Variants in PLEKHA6 observed in about 807,000 individuals in gnomAD.
The protein encoded by PLEKHA6 is pleckstrin homology domain-containing family A member 6.
In PLEKHA6, 60 loss-of-function variants were observed where a neutral mutation model predicts 116.7. That is an observed-to-expected ratio of 0.51 (90% CI 0.42 to 0.64). The LOEUF is 0.64. PLEKHA6 is among the 30% of genes least tolerant of loss of function. The pLI is 0.00. For missense variants in PLEKHA6, 1,338 were observed against 1,422.7 expected, an observed-to-expected ratio of 0.94 and a Z score of 0.96; for synonymous variants, 489 against 556.1, an observed-to-expected ratio of 0.88 and a Z score of 1.70.
At chr1:204,276,441 G>C (rs1668013466) in intron 1 of PLEKHA6, among the ~76,000 whole-genome samples, 1 of 152,126 alleles carries the variant, frequency 6.6e-6, no homozygotes, top group Admixed American at 6.5e-5. Context: ...ACTCTTGTCT[G>C]CCCCTAAATC....
In PLEKHA6 at chr1:204,223,525, G is replaced by C. The variant is rs1659916586; in HGVS notation, c.3092C>G (p.Pro1031Arg). The change falls in exon 22 of 23, where the codon CCC (proline) becomes CGC (arginine). Residue 1031 changes from proline to arginine, a missense_variant. Coordinates refer to ENST00000272203, the MANE Select transcript of PLEKHA6 (RefSeq NM_014935.5). The surrounding 1 kb of genome is among the most constrained non-coding windows in gnomAD (Gnocchi z 4.8). Reference sequence around the variant, plus strand: ...GCCCCGTGGGGATTCAGACGACAGGGGGTTTGCTGGAGGAGCCGGGGAAGC... The same window carrying C: ...GCCCCGTGGGGATTCAGACGACAGGCGGTTTGCTGGAGGAGCCGGGGAAGC... Reference protein sequence around the residue: ...SPASPAPPANPLSSESPRGAD... With the variant: ...SPASPAPPANRLSSESPRGAD... 2 of 1,551,052 alleles carry C rather than the reference G, an allele frequency of 1.3e-6. No individual in the cohort carries two copies. Among genetic ancestry groups the C allele is most frequent in the Non-Finnish European group, 1.7e-6 (2 of 1,146,586 alleles).
At chr1:204,370,998 G>A (rs1297033906) in intron 2 of PLEKHA6, among the ~76,000 whole-genome samples, 1 of 148,010 alleles carries the variant, frequency 6.8e-6, no homozygotes, top group South Asian at 2.1e-4. Context: ...AGGTTGCAGT[G>A]AGCCGAGATT....
upstream of PLEKHA6, among the ~76,000 whole-genome samples, chr1:204,363,279 C>G (rs886890633): frequency 2.0e-5 from 3 of 152,236 alleles, no homozygotes; most frequent in Non-Finnish European, 4.4e-5. Flanking sequence ...GGGCAGAGAC[C>G]TGGGCTTCTG....
intron 1 of PLEKHA6, among the ~76,000 whole-genome samples, chr1:204,329,587 A>T (rs1572188981): frequency 6.6e-6 from 1 of 152,252 alleles, no homozygotes; most frequent in East Asian, 1.9e-4. Context: ...ATAGATGTGC[A>T]TACCACGAAT....
intron 1 of PLEKHA6, among the ~76,000 whole-genome samples, chr1:204,285,482 TTTG>T (rs565714187): frequency 2.4e-4 from 29 of 120,950 alleles, no homozygotes; most frequent in Non-Finnish European, 4.7e-4. Flanking sequence ...TGTTTTTGTT[TTTG>T]TTTTTTTTGA....
At chr1:204,342,763 C>CTAGA (rs1315005510) in intron 1 of PLEKHA6, among the ~76,000 whole-genome samples, 4 of 152,156 alleles carry the variant, frequency 2.6e-5, no homozygotes, top group African/African-American at 9.7e-5. Flanking sequence ...AGCAGAGGAG[C>CTAGA]TAGAGTTGGA....
chr1:204,275,648 G>A (rs1667924230), intron 1 of PLEKHA6: 2 of 957,822 alleles, frequency 2.1e-6, no homozygotes, highest in Non-Finnish European at 2.5e-6. Context: ...CAGTTCCCCA[G>A]GAGGCTCTCA....
At chr1:204,229,398 T>C (rs191049663) in intron 18 of PLEKHA6, among the ~76,000 whole-genome samples, 68 of 152,364 alleles carry the variant, frequency 4.5e-4, no homozygotes, top group Non-Finnish European at 7.6e-4. Flanking sequence ...GCTGAATTAG[T>C]GTGACTTGTA....
chr1:204,283,889 T>C (rs1668899223), intron 1 of PLEKHA6, among the ~76,000 whole-genome samples: 1 of 152,194 alleles, frequency 6.6e-6, no homozygotes, highest in African/African-American at 2.4e-5. Context: ...CAGCCTGGCC[T>C]TTATTGCTGT....
At position 204,250,546 on chromosome 1, in the gene PLEKHA6, A is replaced by G; in HGVS notation, c.1593T>C (p.Asp531=). ...HTYKLNEQDT[D]KLLGKLCEQN... is the part of the protein sequence containing the mutation. ...AGGGAGCAGGGGGCGCTGCTCTTAC[A>G]TCTGTGTCTTGCTCGTTTAACTTGT... Residue 531 remains aspartate, a splice_region_variant and synonymous_variant, in exon 10 of 23, where the codon GAT becomes GAC. Coordinates refer to ENST00000272203, the MANE Select transcript of PLEKHA6 (RefSeq NM_014935.5). The G allele has an allele frequency of 6.2e-7, 1 of 1,610,932 alleles. No homozygotes were observed. The highest frequency in any genetic ancestry group is 8.5e-7 in the Non-Finnish European group (1 of 1,177,758).
At chr1:204,299,397 A>G (rs1022106494) in intron 1 of PLEKHA6, among the ~76,000 whole-genome samples, 1 of 152,174 alleles carries the variant, frequency 6.6e-6, no homozygotes, top group African/African-American at 2.4e-5. Flanking sequence ...TGAGCTTCCT[A>G]CTGCCCAGTG....
intron 1 of PLEKHA6, chr1:204,325,910 C>T: frequency 2.0e-6 from 2 of 985,118 alleles, no homozygotes; most frequent in Non-Finnish European, 2.4e-6. Context: ...CTGCCAAAGC[C>T]AAGCACCGCT....
chr1:204,249,044 C>T (rs1664176753), intron 11 of PLEKHA6, 74 bp from the exon 12 acceptor site: 2 of 1,547,614 alleles, frequency 1.3e-6, no homozygotes, highest in Non-Finnish European at 8.9e-7. Context: ...GAGGCCTGAG[C>T]CCTTAGAGGT....
At chr1:204,355,089 G>C (rs1031390168) in intron 1 of PLEKHA6, among the ~76,000 whole-genome samples, 2 of 152,248 alleles carry the variant, frequency 1.3e-5, no homozygotes, top group African/African-American at 4.8e-5. Context: ...GAAAGAACTT[G>C]AGGGTCTTTG....
chr1:204,327,852 C>G (rs950380019), intron 1 of PLEKHA6, among the ~76,000 whole-genome samples: 1 of 152,204 alleles, frequency 6.6e-6, no homozygotes, highest in African/African-American at 2.4e-5. Context: ...AAGGACAGGG[C>G]AGGTATCAGA....
chr1:204,275,944 C>T (rs1488351841), intron 1 of PLEKHA6: 2 of 152,460 alleles, frequency 1.3e-5, no homozygotes, highest in Admixed American at 6.5e-5. Flanking sequence ...AGCACACCCA[C>T]AGCAAAGAGC....
chr1:204,271,346 G>C (rs1667432638), intron 3 of PLEKHA6, among the ~76,000 whole-genome samples: 1 of 152,100 alleles, frequency 6.6e-6, no homozygotes, highest in South Asian at 2.1e-4. Flanking sequence ...GAGCCAGCAA[G>C]GTATCCAGCC....
chr1:204,296,435 C>A (rs1670283748), intron 1 of PLEKHA6, among the ~76,000 whole-genome samples: 1 of 152,162 alleles, frequency 6.6e-6, no homozygotes, highest in South Asian at 2.1e-4. Flanking sequence ...CCTTCCCCTA[C>A]CCTCCTCCAA....
intron 1 of PLEKHA6, among the ~76,000 whole-genome samples, chr1:204,322,603 C>A (rs749739001): frequency 2.6e-5 from 4 of 152,200 alleles, no homozygotes; most frequent in Admixed American, 6.5e-5. Flanking sequence ...ATAGCTTCAA[C>A]CGCTGTCACT....
Sources: allele counts gnomAD v4.1 joint callset (sites outside exome capture counted in the v4.1 genomes callset), GRCh38; gene constraint gnomAD v4.1.1; non-coding constraint Gnocchi (gnomAD v3.1); transcripts MANE v1.5; gene names NCBI Gene and HGNC (gene_info 2026-07-23, HGNC 2026-07-21).